Variants in GFOD1 observed in about 807,000 individuals in gnomAD.
GFOD1 encodes glucose-fructose oxidoreductase domain-containing protein 1.
A neutral mutation model predicts 25.4 loss-of-function variants in GFOD1; 9 were observed. The observed-to-expected ratio is 0.35, with a 90% CI of 0.21 to 0.62. The LOEUF (loss-of-function observed/expected upper bound fraction) is 0.62, where lower values mean the gene tolerates loss of function less well. Ranked by LOEUF, GFOD1 falls within the 20% of genes least tolerant of loss-of-function variation. GFOD1 has a pLI of 0.72. For synonymous variants in GFOD1, 253 were observed against 245.6 expected (o/e 1.03, Z -0.28); for missense variants, 403 against 556.9 (o/e 0.72, Z 2.78).
chr6:13,477,724 T>A (rs867102682), intron 1 of GFOD1, among the ~76,000 whole-genome samples: 1 of 151,998 alleles, frequency 6.6e-6, no homozygotes, highest in Non-Finnish European at 1.5e-5. Flanking sequence ...ATGGTTATTA[T>A]CAAAACAGTG....
At chr6:13,439,438 T>C (rs1052135886) in intron 1 of GFOD1, among the ~76,000 whole-genome samples, 2 of 152,224 alleles carry the variant, frequency 1.3e-5, no homozygotes, top group African/African-American at 4.8e-5. Context: ...CTTGCCTCCC[T>C]TCTAGCATAT....
At chr6:13,477,627 T>C (rs1036130473) in intron 1 of GFOD1, among the ~76,000 whole-genome samples, 3 of 152,090 alleles carry the variant, frequency 2.0e-5, no homozygotes, top group Non-Finnish European at 4.4e-5. Context: ...AAAATATATA[T>C]GTCTTAAATT....
At chr6:13,469,906 T>G (rs758734918) in intron 1 of GFOD1, 1 of 1,295,748 alleles carries the variant, frequency 7.7e-7, no homozygotes, top group Non-Finnish European at 1.0e-6. Flanking sequence ...TGGTAAGTAC[T>G]CCATAGAATG....
chr6:13,485,856 T>C (rs563279531), intron 1 of GFOD1, among the ~76,000 whole-genome samples: 27 of 152,198 alleles, frequency 1.8e-4, no homozygotes, highest in African/African-American at 6.5e-4. Flanking sequence ...TTAAAATCTA[T>C]TACTCCAAAT....
chr6:13,373,185 A>G (rs1319418096), intron 1 of GFOD1, among the ~76,000 whole-genome samples: 2 of 152,242 alleles, frequency 1.3e-5, no homozygotes, highest in Non-Finnish European at 2.9e-5. Context: ...TATGGAATGC[A>G]GATCTCAGAA....
At position 13,430,763 on chromosome 6, in the gene GFOD1, T is replaced by G. The variant is rs1205100727; in HGVS notation, c.253+55875A>C. Among the ~76,000 whole-genome samples, 1 of 151,932 alleles carries G rather than the reference T, an allele frequency of 6.6e-6. No individual in the cohort carries two copies. The highest frequency in any genetic ancestry group is 1.5e-5 in the Non-Finnish European group (1 of 67,964). The stretch of plus-strand genomic sequence containing the variant: ...ACCAGGGCTATCTGTGGGTCTTGGG[T>G]GGTCTGCCCTACTCCCTCCTCCTCC... On this transcript the variant is annotated intron_variant, in intron 1 of 1. Transcript: ENST00000379287. This position sits in a 1 kb window ranked among gnomAD's most constrained non-coding sequence, Gnocchi z 4.1.
chr6:13,457,301 C>G (rs901598569), intron 1 of GFOD1, among the ~76,000 whole-genome samples: 3 of 152,134 alleles, frequency 2.0e-5, no homozygotes, highest in Non-Finnish European at 4.4e-5. Context: ...TCTACAATAT[C>G]CCAAACTGTG....
chr6:13,365,189 C>T lies in GFOD1; in HGVS notation c.727G>A (p.Gly243Ser), dbSNP rs749076810. 5.6e-6 allele frequency: 9 copies of T among 1,613,996 alleles called. No homozygotes were observed. The highest frequency in any genetic ancestry group is 1.7e-5 in the Admixed American group (1 of 60,028). Residue 243 changes from glycine to serine, a missense_variant, in exon 2 of 2, where the codon GGC becomes AGC. Transcript: ENST00000379287. The surrounding 1 kb of genome is among the most constrained non-coding windows in gnomAD (Gnocchi z 9.2). ...CTVTLNFNVPGEFKQDVTVVG... is the reference protein window; with the variant it reads ...CTVTLNFNVPSEFKQDVTVVG... ...ACAGTGACATCCTGCTTGAACTCGCCGGGCACGTTGAAGTTGAGGGTGACG... is the reference window on the plus strand; with the variant it reads ...ACAGTGACATCCTGCTTGAACTCGCTGGGCACGTTGAAGTTGAGGGTGACG...
intron 1 of GFOD1, among the ~76,000 whole-genome samples, chr6:13,429,624 C>T (rs1757714328): frequency 6.6e-6 from 1 of 152,130 alleles, no homozygotes; most frequent in Non-Finnish European, 1.5e-5. Flanking sequence ...TAAGAAACAG[C>T]CCTTTGCCCA....
intron 1 of GFOD1, among the ~76,000 whole-genome samples, chr6:13,458,268 C>A (rs1346080967): frequency 1.3e-5 from 2 of 152,074 alleles, no homozygotes; most frequent in Admixed American, 6.5e-5. Flanking sequence ...AAGGCACCTG[C>A]CACCATGCCC....
At chr6:13,426,017 T>C (rs936542953) in intron 1 of GFOD1, among the ~76,000 whole-genome samples, 15 of 152,268 alleles carry the variant, frequency 9.9e-5, no homozygotes, top group African/African-American at 3.6e-4. Flanking sequence ...TCTTCCGCCA[T>C]GCTGCTCACA....
intron 1 of GFOD1, among the ~76,000 whole-genome samples, chr6:13,421,268 G>T (rs557426045): frequency 6.6e-6 from 1 of 152,084 alleles, no homozygotes; most frequent in Non-Finnish European, 1.5e-5. Context: ...CAGCCAGATC[G>T]CTTGAGCCCA....
At chr6:13,376,463 C>T (rs992638955) in intron 1 of GFOD1, among the ~76,000 whole-genome samples, 9 of 152,040 alleles carry the variant, frequency 5.9e-5, no homozygotes, top group African/African-American at 2.2e-4. Context: ...CACAGTGCAC[C>T]CCCTGGATCC....
intron 1 of GFOD1, among the ~76,000 whole-genome samples, chr6:13,369,982 AT>A (rs1245020406): frequency 2.6e-5 from 4 of 152,056 alleles, no homozygotes; most frequent in Non-Finnish European, 5.9e-5. Flanking sequence ...TATTTTCTAA[AT>A]TTGTAATTTT....
intron 1 of GFOD1, among the ~76,000 whole-genome samples, chr6:13,402,325 A>G (rs942394396): frequency 5.9e-5 from 9 of 152,250 alleles, no homozygotes; most frequent in African/African-American, 2.2e-4. Context: ...GACTATATAT[A>G]ACATATATAA....
chr6:13,385,494 G>C (rs985989125), intron 1 of GFOD1, among the ~76,000 whole-genome samples: 6 of 152,182 alleles, frequency 3.9e-5, no homozygotes, highest in Non-Finnish European at 8.8e-5. Context: ...CAGAAGATAG[G>C]AATGTGGGTC....
chr6:13,469,877 T>A, intron 1 of GFOD1: 1 of 1,239,280 alleles, frequency 8.1e-7, no homozygotes, highest in Non-Finnish European at 1.1e-6. Flanking sequence ...GTACTATGTC[T>A]CACACCAAAT....
chr6:13,408,998 T>C (rs1785997508), intron 1 of GFOD1, among the ~76,000 whole-genome samples: 1 of 151,250 alleles, frequency 6.6e-6, no homozygotes, highest in African/African-American at 2.4e-5. Flanking sequence ...GGCAGGACAA[T>C]TGCTTGAACC....
chr6:13,447,358 C>G (rs975143244), intron 1 of GFOD1, among the ~76,000 whole-genome samples: 9 of 152,188 alleles, frequency 5.9e-5, no homozygotes, highest in African/African-American at 2.2e-4. Flanking sequence ...CAAATTCCCC[C>G]CTTTTTATAA....
Sources: allele counts gnomAD v4.1 joint callset (sites outside exome capture counted in the v4.1 genomes callset), GRCh38; gene constraint gnomAD v4.1.1; non-coding constraint Gnocchi (gnomAD v3.1); transcripts MANE v1.5; gene names NCBI Gene and HGNC (gene_info 2026-07-23, HGNC 2026-07-21).